Variants in DDR2 observed in about 807,000 individuals in gnomAD.
DDR2 encodes discoidin domain-containing receptor 2.
Under a neutral mutation model 94.9 loss-of-function variants are expected in DDR2, and 27 were observed. The observed-to-expected ratio is 0.28, with a 90% confidence interval of 0.21 to 0.39. The LOEUF is 0.39. Ranked by LOEUF, DDR2 falls within the 10% of genes least tolerant of loss-of-function variation. The pLI is 1.00. For missense variants in DDR2, 783 were observed against 1,076.0 expected (o/e 0.73, Z 3.81); for synonymous variants, 382 against 377.2 (o/e 1.01, Z -0.15).
chr1:162,778,547 T>G (rs752222571), intron 16 of DDR2, 33 bp from the exon 17 acceptor site: 15 of 1,613,594 alleles, frequency 9.3e-6, no homozygotes, highest in Non-Finnish European at 1.3e-5. Context: ...CACAGGTTAT[T>G]CTGATTTCCC....
chr1:162,767,989 C>G (rs1313383307), intron 11 of DDR2, among the ~76,000 whole-genome samples: 2 of 152,178 alleles, frequency 1.3e-5, no homozygotes, highest in African/African-American at 4.8e-5. Context: ...CATTGTCTAA[C>G]ACTTTACAGG....
At chr1:162,688,225 T>C (rs78399359) in intron 2 of DDR2, among the ~76,000 whole-genome samples, 6 of 152,304 alleles carry the variant, frequency 3.9e-5, no homozygotes, top group African/African-American at 1.4e-4. Flanking sequence ...AACTTCATGT[T>C]TGGTTCAATG....
intron 1 of DDR2, among the ~76,000 whole-genome samples, chr1:162,650,431 A>G (rs1196448053): frequency 6.6e-6 from 1 of 152,130 alleles, no homozygotes; most frequent in Non-Finnish European, 1.5e-5. Context: ...GCCCATCTCT[A>G]CTAAAAGTAC....
At chr1:162,667,627 G>C (rs1290499463) in intron 2 of DDR2, among the ~76,000 whole-genome samples, 1 of 152,160 alleles carries the variant, frequency 6.6e-6, no homozygotes, top group Non-Finnish European at 1.5e-5. Context: ...GGTGAGTGAG[G>C]GACCAGCATA....
intron 2 of DDR2, among the ~76,000 whole-genome samples, chr1:162,678,701 C>T (rs960684406): frequency 3.3e-5 from 5 of 152,176 alleles, no homozygotes; most frequent in Non-Finnish European, 2.9e-5. Context: ...TGTATCTTCC[C>T]GTAAAACCGT....
At chr1:162,772,973 A>G (rs974686800) in intron 13 of DDR2, among the ~76,000 whole-genome samples, 1 of 152,080 alleles carries the variant, frequency 6.6e-6, no homozygotes, top group Non-Finnish European at 1.5e-5. Context: ...TGAGGGACCC[A>G]TGTTATCTGT....
intron 9 of DDR2, among the ~76,000 whole-genome samples, chr1:162,765,496 G>T (rs1558073905): frequency 6.6e-6 from 1 of 151,978 alleles, no homozygotes. Flanking sequence ...TAAAATCACA[G>T]AAAAAGACAC....
At chr1:162,699,624 C>A (rs1660341052) in intron 2 of DDR2, among the ~76,000 whole-genome samples, 1 of 152,198 alleles carries the variant, frequency 6.6e-6, no homozygotes, top group Non-Finnish European at 1.5e-5. Context: ...CCATTCTCTG[C>A]TTCTTGTTTG....
chr1:162,692,806 C>T (rs1660016478), intron 2 of DDR2, among the ~76,000 whole-genome samples: 1 of 152,200 alleles, frequency 6.6e-6, no homozygotes, highest in Non-Finnish European at 1.5e-5. Context: ...TATGACCCAG[C>T]ATATGATATG....
At chr1:162,767,160 T>C in intron 10 of DDR2, 69 bp from the exon 11 acceptor site, 1 of 1,610,326 alleles carries the variant, frequency 6.2e-7, no homozygotes, top group South Asian at 1.1e-5. Flanking sequence ...ATGTTTCCAG[T>C]TCAGTCCCTC....
chr1:162,676,653 C>A (rs1659140649), intron 2 of DDR2, among the ~76,000 whole-genome samples: 1 of 152,214 alleles, frequency 6.6e-6, no homozygotes, highest in African/African-American at 2.4e-5. Context: ...TTCTTGAGAA[C>A]CTACTGTGTG....
At chr1:162,776,078 C>G in intron 15 of DDR2, 58 bp from the exon 16 acceptor site, 1 of 1,467,870 alleles carries the variant, frequency 6.8e-7, no homozygotes, top group Non-Finnish European at 9.5e-7. Context: ...AGAATGTGTA[C>G]CTTTCACATC....
At position 162,776,214 on chromosome 1, in the gene DDR2, A is replaced by C. The variant is rs774522755; in HGVS notation, c.2127A>C (p.Arg709=). ...KYLSSLNFVH[R]DLATRNCLVG... is the part of the protein sequence containing the mutation. ...TTTCCTCTCTTAATTTTGTTCACCGAGATCTGGCCACACGAAACTGTTTAG... is the reference window on the plus strand; with the variant it reads ...TTTCCTCTCTTAATTTTGTTCACCGCGATCTGGCCACACGAAACTGTTTAG... The change falls in exon 16 of 18, where the codon CGA becomes CGC. Residue 709 remains arginine (R), a synonymous_variant. Transcript: ENST00000367921. The C allele has an allele frequency of 6.2e-7, 1 of 1,613,988 alleles. No homozygotes were observed. The highest frequency in any genetic ancestry group is 1.7e-5 in the Admixed American group (1 of 60,008).
intron 2 of DDR2, among the ~76,000 whole-genome samples, chr1:162,703,358 G>T (rs1350254039): frequency 6.6e-6 from 1 of 152,172 alleles, no homozygotes; most frequent in African/African-American, 2.4e-5. Flanking sequence ...TCAGAGAAGG[G>T]AAGGTAATGA....
intron 2 of DDR2, among the ~76,000 whole-genome samples, chr1:162,656,833 G>GTTTTTTTTTTT (rs761726921): frequency 0.03 from 1,956 of 65,590 alleles, 775 homozygotes; most frequent in Non-Finnish European, 0.046. Flanking sequence ...TGCCACTGGA[G>GTTTTTTTTTTT]TTTTTTTTTT....
At chr1:162,639,350 G>A (rs1657007363) in intron 1 of DDR2, among the ~76,000 whole-genome samples, 1 of 152,200 alleles carries the variant, frequency 6.6e-6, no homozygotes, top group African/African-American at 2.4e-5. Flanking sequence ...GTAGCCAACT[G>A]TTCTTTGACA....
chr1:162,655,983 A>G (rs1657940322), intron 2 of DDR2, among the ~76,000 whole-genome samples: 1 of 152,194 alleles, frequency 6.6e-6, no homozygotes, highest in African/African-American at 2.4e-5. Flanking sequence ...CTGGGACTCA[A>G]GGCAAAAAGA....
intron 2 of DDR2, among the ~76,000 whole-genome samples, chr1:162,683,169 C>T (rs778267213): frequency 5.9e-5 from 9 of 152,032 alleles, no homozygotes; most frequent in East Asian, 3.8e-4. Context: ...AAAAAACTCT[C>T]GGCAAGTTAG....
chr1:162,775,191 A>G (rs1647461417), intron 14 of DDR2, among the ~76,000 whole-genome samples: 1 of 152,098 alleles, frequency 6.6e-6, no homozygotes, highest in African/African-American at 2.4e-5. Context: ...GTAATCAGAT[A>G]AGCCAAAGAT....
Sources: gnomAD v4.1 joint callset for allele counts (sites outside exome capture counted in the v4.1 genomes callset) on GRCh38, gnomAD v4.1.1 for gene constraint, MANE v1.5 for transcripts, NCBI Gene and HGNC (gene_info 2026-07-23, HGNC 2026-07-21) for gene names.